FER1L6: variants seen among roughly 807,000 people sequenced by gnomAD.
FER1L6 encodes the protein fer-1 like family member 6.
Under a neutral mutation model 219.2 loss-of-function variants are expected in FER1L6, and 177 were observed. That is an observed-to-expected ratio of 0.81 (90% confidence interval 0.71 to 0.91). The LOEUF (loss-of-function observed/expected upper bound fraction) is 0.91. Among genes scored for constraint, FER1L6 ranks in the 40% least tolerant of loss-of-function variants. The probability of loss-of-function intolerance (pLI) is 0.00; values close to 1 mark genes in which losing one functional copy is unlikely to be tolerated. For synonymous variants in FER1L6, 768 were observed against 824.3 expected, an observed-to-expected ratio of 0.93 and a Z score of 1.17; for missense variants, 2,153 against 2,259.9, an observed-to-expected ratio of 0.95 and a Z score of 0.96.
chr8:124,001,671 C>G (rs970930251), intron 12 of FER1L6, among the ~76,000 whole-genome samples: 2 of 152,130 alleles, frequency 1.3e-5, no homozygotes, highest in African/African-American at 4.8e-5. Flanking sequence ...AAAGAATGAA[C>G]TGGAATGAAC....
intron 25 of FER1L6, 69 bp from the exon 26 acceptor site, chr8:124,064,278 T>C (rs1410355785): frequency 1.7e-6 from 2 of 1,159,022 alleles, no homozygotes; most frequent in Non-Finnish European, 2.6e-6. Context: ...TGATTCCTAG[T>C]ATTAGGTCCC....
intron 12 of FER1L6, among the ~76,000 whole-genome samples, chr8:123,995,902 T>C (rs536818907): frequency 2.0e-5 from 3 of 152,332 alleles, no homozygotes; most frequent in Admixed American, 6.5e-5. Context: ...AATTTCCTTC[T>C]TAATTTCTTT....
chr8:123,872,483 C>T (rs1247695875), intron 1 of FER1L6, among the ~76,000 whole-genome samples: 1 of 152,074 alleles, frequency 6.6e-6, no homozygotes, highest in Non-Finnish European at 1.5e-5. Context: ...ATGGGGTGCC[C>T]TAGATGGGAT....
chr8:123,969,984 C>T lies in FER1L6; in HGVS notation c.385-51C>T, dbSNP rs779276743. 1.0e-5 allele frequency: 15 copies of T among 1,469,474 alleles called. No individual in the cohort carries two copies. In the African/African-American group the frequency reaches 2.1e-4, roughly 20 times the overall value. 91.0% of individuals were successfully genotyped at this position (1,469,474 alleles called of 1,614,324 possible). ...CTAAATCCACTCCAAGGACAGGATT[C>T]TTAGGTGCAAGTCTGGGGTTGATGA... On this transcript the variant is annotated intron_variant, in intron 5 of 40. Transcript: ENST00000522917.
At chr8:124,102,735 G>A (rs1822597022) in intron 38 of FER1L6, among the ~76,000 whole-genome samples, 1 of 152,172 alleles carries the variant, frequency 6.6e-6, no homozygotes, top group South Asian at 2.1e-4. Flanking sequence ...GAGGGGTTTA[G>A]TGGACACCAA....
At chr8:123,976,108 C>T in intron 9 of FER1L6, 24 bp downstream of exon 9, 1 of 1,571,472 alleles carries the variant, frequency 6.4e-7, no homozygotes, top group Non-Finnish European at 8.7e-7. Context: ...GTCACTAACA[C>T]TGCCTGCTAG....
rs370415365 is a variant in FER1L6, at chr8:124,082,475, C to T, written c.4391+17C>T. The T allele has an allele frequency of 4.0e-5, 64 of 1,609,104 alleles. No homozygotes were observed. The Admixed American group carries it at 6.5e-4, about 16-fold the overall frequency. On this transcript the variant is annotated intron_variant, in intron 33 of 40. Coordinates refer to ENST00000522917, the MANE Select transcript of FER1L6 (RefSeq NM_001039112.2). ...GTATGAGATGTAAGTTCTTTCTCCC[C>T]GGGAGACACTTGGTATTCTGAAGCT...
chr8:123,948,035 T>C (rs1814582160), intron 1 of FER1L6, among the ~76,000 whole-genome samples: 1 of 152,212 alleles, frequency 6.6e-6, no homozygotes, highest in Admixed American at 6.5e-5. Flanking sequence ...GAACTGAGGC[T>C]ATAGTGTGGA....
At chr8:124,077,983 C>A (rs754146030) in intron 32 of FER1L6, among the ~76,000 whole-genome samples, 18 of 152,186 alleles carry the variant, frequency 1.2e-4, no homozygotes, top group Admixed American at 1.0e-3. Context: ...GCCCTGGTAT[C>A]TTGCGTTGCT....
chr8:123,898,804 C>CGTATAT (rs1812804978), intron 1 of FER1L6, among the ~76,000 whole-genome samples: 3 of 73,422 alleles, frequency 4.1e-5, no homozygotes, highest in South Asian at 4.7e-4. Flanking sequence ...TACATATATA[C>CGTATAT]ACATATATAT....
intron 6 of FER1L6, 70 bp from the exon 7 acceptor site, chr8:123,973,364 G>T (rs1160181469): frequency 3.1e-6 from 4 of 1,282,468 alleles, no homozygotes; most frequent in Non-Finnish European, 4.6e-6. Context: ...CAGGGTCAAA[G>T]CTAGACAAGG....
In FER1L6 at chr8:123,856,316, G is replaced by A. The variant is rs866361478; in HGVS notation, c.-8+4131G>A. On this transcript the variant is annotated intron_variant, in intron 1 of 40. Transcript: ENST00000522917. ...TGTATATATATATATATATGTATGTGTATATATATATATATATATATATAT... is the reference window on the plus strand; with the variant it reads ...TGTATATATATATATATATGTATGTATATATATATATATATATATATATAT... Among the ~76,000 whole-genome samples, 68 of 45,062 alleles carry A rather than the reference G, an allele frequency of 1.5e-3. 7 individuals carry two copies. Among genetic ancestry groups the A allele is most frequent in the African/African-American group, 4.8e-3 (55 of 11,492 alleles). 29.6% of individuals were successfully genotyped at this position (45,062 alleles called of 152,430 possible).
chr8:123,910,476 C>A (rs964489161), intron 1 of FER1L6, among the ~76,000 whole-genome samples: 4 of 152,190 alleles, frequency 2.6e-5, no homozygotes, highest in Admixed American at 2.0e-4. Context: ...TCAGTCCCAT[C>A]CTCTGTGTGG....
chr8:124,007,531 C>T (rs530673860), intron 13 of FER1L6, among the ~76,000 whole-genome samples: 1 of 152,332 alleles, frequency 6.6e-6, no homozygotes, highest in Non-Finnish European at 1.5e-5. Context: ...CCACCCACTT[C>T]CTTCTTGGAA....
chr8:124,108,319 G>A lies in FER1L6; in HGVS notation c.5289+5010G>A, dbSNP rs551209179. On this transcript the variant is annotated intron_variant, in intron 39 of 40. Transcript: ENST00000522917. Reference sequence around the variant, plus strand: ...ACTATGAGCCTCAGCTTTCTTAGCTGTAAAGATTGAGAAAATTAAAGTATG... The same window carrying A: ...ACTATGAGCCTCAGCTTTCTTAGCTATAAAGATTGAGAAAATTAAAGTATG... Among the ~76,000 whole-genome samples the A allele has an allele frequency of 2.9e-5, 4 of 137,256 alleles. No homozygotes were observed. The East Asian group carries it at 8.4e-4, about 29-fold the overall frequency. The allele number at this position is 137,256 out of a possible 152,430, so 90.0% of individuals were successfully genotyped here. A position where few individuals can be genotyped will look rare whatever the true frequency, so the allele number is the denominator to read the frequency against.
intron 39 of FER1L6, among the ~76,000 whole-genome samples, chr8:124,108,652 G>A (rs957714997): frequency 2.6e-5 from 4 of 152,092 alleles, no homozygotes; most frequent in Admixed American, 6.5e-5. Context: ...TGGAGTAGAC[G>A]GACATCTTGA....
rs540789830 is a variant in FER1L6 at position 123,937,831 on chromosome 8, G to A, written c.-7-18161G>A. 1.4e-3 allele frequency among the ~76,000 whole-genome samples: 207 copies of A among 152,020 alleles called. 1 individual carries two copies. Among genetic ancestry groups the A allele is most frequent in the African/African-American group, 4.8e-3 (201 of 41,462 alleles). On this transcript the variant is annotated intron_variant, in intron 1 of 40. Transcript: ENST00000522917. ...AGTAATTGATGGGCCTTGTTCAAATGTTGCAATATACAGAGATATATAGGA... is the reference window on the plus strand; with the variant it reads ...AGTAATTGATGGGCCTTGTTCAAATATTGCAATATACAGAGATATATAGGA...
chr8:124,043,431 A>G (rs1401245730), intron 20 of FER1L6, among the ~76,000 whole-genome samples: 1 of 152,238 alleles, frequency 6.6e-6, no homozygotes, highest in Non-Finnish European at 1.5e-5. Context: ...GCTAAGTGCT[A>G]CCATAACTTC....
intron 8 of FER1L6, 37 bp downstream of exon 8, chr8:123,975,343 A>G (rs1477466925): frequency 5.8e-6 from 9 of 1,538,686 alleles, no homozygotes; most frequent in Admixed American, 3.7e-5. Flanking sequence ...CATAGAAATG[A>G]TATGTCCAAT....
Sources: allele counts gnomAD v4.1 joint callset (sites outside exome capture counted in the v4.1 genomes callset), GRCh38; gene constraint gnomAD v4.1.1; transcripts MANE v1.5; gene names NCBI Gene and HGNC (gene_info 2026-07-23, HGNC 2026-07-21).